The following ETNPPL variants were observed in gnomAD, a reference collection of about 807,000 sequenced individuals.
The protein encoded by ETNPPL is alanine--glyoxylate aminotransferase 2-like 1.
In ETNPPL, 30 loss-of-function variants were observed where a neutral mutation model predicts 55.5. The ratio of observed to expected loss-of-function variants is 0.54; its 90% CI spans 0.40 to 0.73. The LOEUF (loss-of-function observed/expected upper bound fraction) is 0.73. Ranked by LOEUF, ETNPPL falls within the 30% of genes least tolerant of loss-of-function variation. The pLI, the probability that ETNPPL is intolerant of heterozygous loss-of-function variation, is 0.00. For synonymous variants in ETNPPL, 202 were observed against 207.2 expected, an observed-to-expected ratio of 0.98 and a Z score of 0.21; for missense variants, 528 against 607.9, an observed-to-expected ratio of 0.87 and a Z score of 1.38.
chr4:108,755,605 T>A (rs1234244157), intron 4 of ETNPPL, among the ~76,000 whole-genome samples: 2 of 152,050 alleles, frequency 1.3e-5, no homozygotes, highest in Non-Finnish European at 2.9e-5. Flanking sequence ...TCACTTAAGG[T>A]CAGGAGTTCG....
intron 9 of ETNPPL, 141 bp from the exon 10 acceptor site, chr4:108,746,992 G>T: frequency 9.3e-6 from 5 of 535,188 alleles, no homozygotes; most frequent in East Asian, 6.2e-5. Flanking sequence ...GTTCACAGTT[G>T]TTTCTACTTT....
chr4:108,756,752 G>A (rs1011392535), intron 3 of ETNPPL, among the ~76,000 whole-genome samples: 24 of 152,132 alleles, frequency 1.6e-4, no homozygotes, highest in Admixed American at 7.2e-4. Flanking sequence ...CTTCAACCTG[G>A]GAGGTGGAGA....
At chr4:108,752,848 C>T (rs1369589857) in intron 6 of ETNPPL, 47 bp downstream of exon 6, 1 of 1,060,560 alleles carries the variant, frequency 9.4e-7, no homozygotes, top group Non-Finnish European at 1.4e-6. Flanking sequence ...AGTTTTAATC[C>T]CTTTTATAAA....
In ETNPPL at chr4:108,762,988, C is replaced by T; in HGVS notation, c.-90G>A. On this transcript the variant is annotated 5_prime_UTR_variant, in exon 1 of 13. Transcript: ENST00000296486. ...CTGGGACTGCCTTGGCGGCCCCGGCCGGCCTTCCTCCCGTTATCCCTCCTG... is the reference window on the plus strand; with the variant it reads ...CTGGGACTGCCTTGGCGGCCCCGGCTGGCCTTCCTCCCGTTATCCCTCCTG... 7.7e-7 allele frequency: 1 copy of T among 1,298,212 alleles called. No homozygotes were observed. Among genetic ancestry groups the T allele is most frequent in the Non-Finnish European group, 1.1e-6 (1 of 906,262 alleles). 80.4% of individuals were successfully genotyped at this position (1,298,212 alleles called of 1,614,324 possible).
intron 7 of ETNPPL, among the ~76,000 whole-genome samples, chr4:108,750,291 T>C (rs2125675217): frequency 6.6e-6 from 1 of 152,150 alleles, no homozygotes; most frequent in South Asian, 2.1e-4. Flanking sequence ...CCAGCGAATA[T>C]AAAGCAGGCA....
intron 7 of ETNPPL, among the ~76,000 whole-genome samples, chr4:108,750,114 A>C (rs1455866736): frequency 1.3e-5 from 2 of 152,208 alleles, no homozygotes; most frequent in Non-Finnish European, 2.9e-5. Flanking sequence ...GGCTTGTGTA[A>C]TGGTTAATAC....
At chr4:108,743,363 T>C (rs1299317960) in intron 12 of ETNPPL, among the ~76,000 whole-genome samples, 1 of 152,192 alleles carries the variant, frequency 6.6e-6, no homozygotes, top group Admixed American at 6.5e-5. Flanking sequence ...GCTTACGCTT[T>C]AGTTCGTTTT....
chr4:108,758,011 T>C lies in ETNPPL; in HGVS notation c.336-1519A>G, dbSNP rs1011050045. Among the ~76,000 whole-genome samples the C allele has an allele frequency of 8.6e-4, 127 of 147,398 alleles. 2 individuals carry two copies. The highest frequency in any genetic ancestry group is 2.7e-3 in the African/African-American group (108 of 40,452). The stretch of plus-strand genomic sequence containing the variant: ...ATTTTCATATATATTTCTTTCTTTT[T>C]TTTTTTTTTTTTTTGACGGAGTCTC... On this transcript the variant is annotated intron_variant, in intron 3 of 12. Transcript: ENST00000296486.
intron 12 of ETNPPL, 144 bp downstream of exon 12, chr4:108,743,645 C>T (rs1456453188): frequency 7.4e-6 from 5 of 671,174 alleles, no homozygotes; most frequent in Middle Eastern, 2.6e-4. Flanking sequence ...ATTGTGCACT[C>T]AAAATTGCAA....
At chr4:108,760,777 G>C (rs1051058624) in intron 1 of ETNPPL, among the ~76,000 whole-genome samples, 3 of 152,126 alleles carry the variant, frequency 2.0e-5, no homozygotes, top group African/African-American at 4.8e-5. Context: ...GGAGACCAAG[G>C]CACAGAGAAA....
intron 1 of ETNPPL, 135 bp downstream of exon 1, chr4:108,762,708 G>A (rs1729570866): frequency 9.0e-7 from 1 of 1,107,566 alleles, no homozygotes; most frequent in African/African-American, 1.5e-5. Flanking sequence ...GGCGCGCGGG[G>A]CGCGTGCACA....
chr4:108,744,991 T>C (rs1167797929), intron 11 of ETNPPL, among the ~76,000 whole-genome samples: 1 of 152,070 alleles, frequency 6.6e-6, no homozygotes, highest in East Asian at 1.9e-4. Flanking sequence ...TTGCTTACCT[T>C]GGCCTCTGGG....
At chr4:108,761,985 T>A (rs1729529108) in intron 1 of ETNPPL, among the ~76,000 whole-genome samples, 1 of 152,212 alleles carries the variant, frequency 6.6e-6, no homozygotes, top group Non-Finnish European at 1.5e-5. Flanking sequence ...CTTTACAGTA[T>A]TCGGGGTCAT....
chr4:108,746,182 T>C (rs1198672788), intron 11 of ETNPPL, among the ~76,000 whole-genome samples: 1 of 152,222 alleles, frequency 6.6e-6, no homozygotes, highest in Non-Finnish European at 1.5e-5. Context: ...TTTGGAGTTA[T>C]ATGAATACAA....
Position 108,742,620 on chromosome 4 carries a change from A to G in ETNPPL, c.1372-8T>C, listed in dbSNP as rs760826566. On this transcript the variant is annotated splice_polypyrimidine_tract_variant and splice_region_variant and intron_variant, in intron 12 of 12. Transcript: ENST00000296486. ...GTGGGCTTCTTTCAGCATCTGCAAG[A>G]CAGGCACACAAAGCTCCAGTGGGCA... is the stretch of plus-strand genomic sequence containing the variant. 3.5e-5 allele frequency: 56 copies of G among 1,613,554 alleles called. No individual in the cohort carries two copies. Among genetic ancestry groups the G allele is most frequent in the Non-Finnish European group, 4.2e-6 (5 of 1,179,984 alleles).
At chr4:108,751,302 T>A (rs567771530) in intron 6 of ETNPPL, among the ~76,000 whole-genome samples, 1 of 152,326 alleles carries the variant, frequency 6.6e-6, no homozygotes, top group East Asian at 1.9e-4. Context: ...ATGCAGCAGT[T>A]TCATTAGGAT....
chr4:108,758,137 A>G (rs1471233289), intron 3 of ETNPPL, among the ~76,000 whole-genome samples: 1 of 151,128 alleles, frequency 6.6e-6, no homozygotes, highest in African/African-American at 2.4e-5. Flanking sequence ...GACTACAGGC[A>G]CACACCACCA....
In ETNPPL at chr4:108,742,401, T is replaced by C; in HGVS notation, c.*83A>G. ...ACTGACAATTCCACCTTTAGAGGTA[T>C]AATAGAGCTATTAACCGATGAGACA... On this transcript the variant is annotated 3_prime_UTR_variant, in exon 13 of 13. Coordinates refer to ENST00000296486, the MANE Select transcript of ETNPPL (RefSeq NM_031279.4). The C allele has an allele frequency of 7.1e-7, 1 of 1,401,198 alleles. No homozygotes were observed. Among genetic ancestry groups the C allele is most frequent in the South Asian group, 1.2e-5 (1 of 81,070 alleles). 86.8% of individuals were successfully genotyped at this position (1,401,198 alleles called of 1,614,324 possible). A position where few individuals can be genotyped will look rare whatever the true frequency, so the allele number is the denominator to read the frequency against.
In ETNPPL at chr4:108,753,089, A is replaced by G. The variant is rs960664331; in HGVS notation, c.502-78T>C. On this transcript the variant is annotated intron_variant, in intron 5 of 12. Coordinates refer to ENST00000296486, the MANE Select transcript of ETNPPL (RefSeq NM_031279.4). ...TAAAAAAAAGGCATTTCCCCACAAGAACATGTTAGAATGGTGATCATGTGA... is the reference window on the plus strand; with the variant it reads ...TAAAAAAAAGGCATTTCCCCACAAGGACATGTTAGAATGGTGATCATGTGA... 6.6e-6 allele frequency: 5 copies of G among 759,970 alleles called. No individual in the cohort carries two copies. In the African/African-American group the frequency reaches 8.8e-5, roughly 13 times the overall value. 47.1% of individuals were successfully genotyped at this position (759,970 alleles called of 1,614,324 possible).
Sources: gnomAD v4.1 joint callset for allele counts (sites outside exome capture counted in the v4.1 genomes callset) on GRCh38, gnomAD v4.1.1 for gene constraint, MANE v1.5 for transcripts, NCBI Gene and HGNC (gene_info 2026-07-23, HGNC 2026-07-21) for gene names.